UNC13B: variants seen among roughly 807,000 people sequenced by gnomAD.
UNC13B encodes the protein protein unc-13 homolog B.
Under a neutral mutation model 211.0 loss-of-function variants are expected in UNC13B, and 144 were observed. The observed-to-expected ratio is 0.68, with a 90% CI of 0.60 to 0.78. The LOEUF (loss-of-function observed/expected upper bound fraction) is 0.78, where lower values mean the gene tolerates loss of function less well. UNC13B is among the 30% of genes least tolerant of loss of function. The probability of loss-of-function intolerance (pLI) is 0.00; values close to 1 mark genes in which losing one functional copy is unlikely to be tolerated. For missense variants in UNC13B, 1,777 were observed against 2,002.0 expected (o/e 0.89, Z 2.14); for synonymous variants, 709 against 725.8 (o/e 0.98, Z 0.37).
chr9:35,363,383 C>T (rs1333403910), intron 11 of UNC13B, among the ~76,000 whole-genome samples: 1 of 152,080 alleles, frequency 6.6e-6, no homozygotes, highest in Non-Finnish European at 1.5e-5. Context: ...TTTTCTTACT[C>T]AAAAGGAACA....
In UNC13B at chr9:35,313,968, G is replaced by A. The variant is rs1830320186; in HGVS notation, c.9393G>A (p.Lys3131=). 4 of 1,613,646 alleles carry A rather than the reference G, an allele frequency of 2.5e-6. No homozygotes were observed. In the South Asian group the frequency reaches 4.4e-5, roughly 18 times the overall value. The change falls in exon 11 of 40, where the codon AAG becomes AAA. Residue 3131 remains lysine (K), a synonymous_variant. Transcript: ENST00000635942. The part of the protein sequence containing the change: ...ARAHWIRAVT[K]VRLQLQEIPD... ...CACATTGGATCCGAGCAGTTACCAA[G>A]GTTCGACTCCAGCTGCAGGAGGTAG...
chr9:35,279,369 G>C (rs1396645162), intron 7 of UNC13B, among the ~76,000 whole-genome samples: 2 of 152,174 alleles, frequency 1.3e-5, no homozygotes, highest in Non-Finnish European at 2.9e-5. Context: ...GCATGTATCA[G>C]TCCTTTATCC....
rs150852329 is a variant in UNC13B, at chr9:35,238,278, G to A, written c.394+452G>A. On this transcript the variant is annotated intron_variant, in intron 5 of 39. Transcript: ENST00000635942. Reference sequence around the variant, plus strand: ...TTCAAATAGTAAGGAAATGTACATGGATAAAGTTAAAAGTTTATTTTCCCA... The same window carrying A: ...TTCAAATAGTAAGGAAATGTACATGAATAAAGTTAAAAGTTTATTTTCCCA... Among the ~76,000 whole-genome samples, 790 of 152,232 alleles carry A rather than the reference G, an allele frequency of 5.2e-3. 3 individuals carry two copies. The highest frequency in any genetic ancestry group is 0.041 in the Middle Eastern group (12 of 294).
rs1048884346 is a variant in UNC13B at position 35,306,856 on chromosome 9, C to G, written c.7452C>G (p.Ser2484=). 4 of 398,912 alleles carry G rather than the reference C, an allele frequency of 1.0e-5. No individual in the cohort carries two copies. In the Admixed American group the frequency reaches 1.8e-4, roughly 18 times the overall value. 24.7% of individuals were successfully genotyped at this position (398,912 alleles called of 1,614,324 possible). The change falls in exon 9 of 40, where the codon TCC becomes TCG. Residue 2484 remains serine, a synonymous_variant. Coordinates refer to ENST00000635942, the MANE Select transcript of UNC13B (RefSeq NM_001371189.2). Reference sequence around the variant, plus strand: ...CCAAAACACTCTCTGGACTTTTCTCCTCTCCTAAATCTCCAAAGAAAAACT... The same window carrying G: ...CCAAAACACTCTCTGGACTTTTCTCGTCTCCTAAATCTCCAAAGAAAAACT... The part of the protein sequence containing the change: ...EPPKTLSGLF[S]SPKSPKKNSF...
chr9:35,223,125 G>A (rs1824651430), intron 1 of UNC13B, among the ~76,000 whole-genome samples: 1 of 152,102 alleles, frequency 6.6e-6, no homozygotes, highest in Non-Finnish European at 1.5e-5. Context: ...TCTATACCTT[G>A]GCTATCATGA....
intron 11 of UNC13B, among the ~76,000 whole-genome samples, chr9:35,358,886 G>C (rs889228857): frequency 4.6e-5 from 7 of 151,916 alleles, no homozygotes; most frequent in Non-Finnish European, 1.0e-4. Context: ...TTTTAGTAGA[G>C]AGGAGGTTTC....
intron 8 of UNC13B, 147 bp downstream of exon 8, chr9:35,296,077 A>ATT: frequency 1.4e-6 from 1 of 715,948 alleles, no homozygotes; most frequent in Non-Finnish European, 2.3e-6. Context: ...TGTGTAGATT[A>ATT]TTAGTCTTTT....
intron 18 of UNC13B, 62 bp from the exon 19 acceptor site, chr9:35,381,038 A>G: frequency 6.6e-7 from 1 of 1,518,468 alleles, no homozygotes. Flanking sequence ...TTAAGCCAGA[A>G]TGGAACTATC....
chr9:35,291,616 G>A (rs528408525), intron 7 of UNC13B, among the ~76,000 whole-genome samples: 1 of 152,280 alleles, frequency 6.6e-6, no homozygotes, highest in Admixed American at 6.5e-5. Context: ...TTTTGTTAAG[G>A]AAACAAGAGG....
At chr9:35,235,660 A>G (rs1825458807) in intron 3 of UNC13B, among the ~76,000 whole-genome samples, 1 of 152,110 alleles carries the variant, frequency 6.6e-6, no homozygotes, top group Non-Finnish European at 1.5e-5. Flanking sequence ...GCTGGTCTCA[A>G]ACTCCTGACC....
intron 11 of UNC13B, among the ~76,000 whole-genome samples, chr9:35,354,094 T>C (rs1832884425): frequency 6.6e-6 from 1 of 152,156 alleles, no homozygotes; most frequent in Non-Finnish European, 1.5e-5. Flanking sequence ...GCTATACCTG[T>C]TCAAAAGAGG....
In UNC13B at chr9:35,404,128, C is replaced by T. The variant is rs1232630145; in HGVS notation, c.*95C>T. The T allele has an allele frequency of 1.4e-6, 2 of 1,477,444 alleles. No homozygotes were observed. Among genetic ancestry groups the T allele is most frequent in the East Asian group, 2.4e-5 (1 of 42,488 alleles). The allele number at this position is 1,477,444 out of a possible 1,614,324, so 91.5% of individuals were successfully genotyped here. ...GTAACCGGCTTAGGGTCTTTGCAGT[C>T]AAGAGGCTGACCCCTTCAGTTAAAG... is the stretch of plus-strand genomic sequence containing the variant. On this transcript the variant is annotated 3_prime_UTR_variant, in exon 40 of 40. Transcript: ENST00000635942.
At chr9:35,195,608 T>G (rs1229211828) in intron 1 of UNC13B, among the ~76,000 whole-genome samples, 1 of 152,200 alleles carries the variant, frequency 6.6e-6, no homozygotes, top group Non-Finnish European at 1.5e-5. Flanking sequence ...TTTAGCCTTT[T>G]TTACCTTATT....
At chr9:35,220,394 A>G (rs764965619) in intron 1 of UNC13B, among the ~76,000 whole-genome samples, 1 of 151,148 alleles carries the variant, frequency 6.6e-6, no homozygotes, top group Non-Finnish European at 1.5e-5. Context: ...TATTCTAACT[A>G]TATTTTTATA....
chr9:35,269,607 G>C (rs1031548645), intron 7 of UNC13B, among the ~76,000 whole-genome samples: 1 of 152,138 alleles, frequency 6.6e-6, no homozygotes, highest in African/African-American at 2.4e-5. Flanking sequence ...CACAAAGTTG[G>C]TTCTTTTGGC....
intron 11 of UNC13B, among the ~76,000 whole-genome samples, chr9:35,339,789 G>A (rs979898386): frequency 2.6e-5 from 4 of 152,264 alleles, no homozygotes; most frequent in African/African-American, 4.8e-5. Flanking sequence ...TGGGTGACAA[G>A]ACAGGGTGGG....
Position 35,305,531 on chromosome 9 carries a change from G to A in UNC13B, c.6127G>A (p.Val2043Ile). ...AATTTCCTCTAAAGGGAAGGCTAGA[G>A]TTAGAAGACTGAACAAACAGACTAC... ...APISSKGKARVRRLNKQTTID... is the reference protein window; with the variant it reads ...APISSKGKARIRRLNKQTTID... The change falls in exon 9 of 40, where the codon GTT (valine) becomes ATT (isoleucine). Residue 2043 changes from valine to isoleucine, a missense_variant. Val to Ile is a conservative substitution (Grantham distance 29). Transcript: ENST00000635942. The A allele has an allele frequency of 2.5e-6, 1 of 399,050 alleles. No homozygotes were observed. The highest frequency in any genetic ancestry group is 4.4e-6 in the Non-Finnish European group (1 of 226,028). 24.7% of individuals were successfully genotyped at this position (399,050 alleles called of 1,614,324 possible).
rs1426173348 is a variant in UNC13B, at chr9:35,385,716, T to G, written c.10876-8T>G. On this transcript the variant is annotated splice_region_variant and splice_polypyrimidine_tract_variant and intron_variant, in intron 22 of 39. Transcript: ENST00000635942. ...GTTCCTTTCTTACATTTGCTTGATT[T>G]GCAACAGAATAATTTCCCTGCTGGG... is the stretch of plus-strand genomic sequence containing the variant. The G allele has an allele frequency of 1.9e-6, 3 of 1,594,522 alleles. No homozygotes were observed. Among genetic ancestry groups the G allele is most frequent in the Non-Finnish European group, 2.6e-6 (3 of 1,165,128 alleles).
At chr9:35,186,185 A>G (rs1182516731) in intron 1 of UNC13B, among the ~76,000 whole-genome samples, 1 of 151,878 alleles carries the variant, frequency 6.6e-6, no homozygotes, top group Non-Finnish European at 1.5e-5. Flanking sequence ...CTAGGTGTAG[A>G]CCCTACTAGA....
Sources: allele counts gnomAD v4.1 joint callset (sites outside exome capture counted in the v4.1 genomes callset), GRCh38; gene constraint gnomAD v4.1.1; transcripts MANE v1.5; gene names NCBI Gene and HGNC (gene_info 2026-07-23, HGNC 2026-07-21).